LGSN: variants seen among roughly 807,000 people sequenced by gnomAD.
LGSN encodes the protein lengsin.
Under a neutral mutation model 19.5 loss-of-function variants are expected in LGSN, and 21 were observed. The observed-to-expected ratio is 1.07, with a 90% confidence interval of 0.76 to 1.55. The LOEUF (loss-of-function observed/expected upper bound fraction) is 1.55, where lower values mean the gene tolerates loss of function less well. Among genes scored for constraint, LGSN ranks in the 40% most tolerant of loss-of-function variants. The pLI is 0.00. For missense variants in LGSN, 673 were observed against 608.5 expected (o/e 1.11, Z -1.12); for synonymous variants, 257 against 215.6 (o/e 1.19, Z -1.68).
At chr6:63,536,616 A>G in the LGSN span, among the ~76,000 whole-genome samples, 1 of 152,104 alleles carries the variant, frequency 6.6e-6, no homozygotes, top group African/African-American at 2.4e-5. Flanking sequence ...ACTTTATAAT[A>G]TTTTTCTACT....
chr6:63,370,604 A>C, the LGSN span, among the ~76,000 whole-genome samples: 1 of 152,232 alleles, frequency 6.6e-6, no homozygotes, highest in Non-Finnish European at 1.5e-5. Flanking sequence ...CTGCCTACGC[A>C]TCTATCCAGG....
At chr6:63,414,256 C>T in the LGSN span, among the ~76,000 whole-genome samples, 7 of 152,054 alleles carry the variant, frequency 4.6e-5, no homozygotes, top group Non-Finnish European at 1.0e-4. Context: ...AAATATTAGT[C>T]TTTATTCTTT....
At position 63,276,484 on chromosome 6, in the gene LGSN, G is replaced by C. The variant is rs1404602645; in HGVS notation, c.*3537C>G. 6.6e-6 allele frequency: 1 copy of C among 152,036 alleles called. No individual in the cohort carries two copies. The highest frequency in any genetic ancestry group is 1.5e-5 in the Non-Finnish European group (1 of 68,004). The allele number at this position is 152,036 out of a possible 1,614,324, so 9.4% of individuals were successfully genotyped here. ...CATTTAATTACCAACTTTAAATTCA[G>C]TAATCACATTTTTCCCCTAAGCTTT... On this transcript the variant is annotated 3_prime_UTR_variant, in exon 4 of 4. Coordinates refer to ENST00000370657, the MANE Select transcript of LGSN (RefSeq NM_016571.3).
At chr6:63,573,129 G>A in the LGSN span, 35 of 160,862 alleles carry the variant, frequency 2.2e-4, 2 homozygotes, top group South Asian at 7.1e-3. Context: ...GACCCGTCCG[G>A]GCATGGCAGG....
At chr6:63,473,441 T>A in the LGSN span, among the ~76,000 whole-genome samples, 1 of 121,706 alleles carries the variant, frequency 8.2e-6, no homozygotes, top group African/African-American at 3.3e-5. Context: ...GCCACTGCAC[T>A]CCAGCCTGGG....
the LGSN span, among the ~76,000 whole-genome samples, chr6:63,508,367 T>G: frequency 9.9e-5 from 15 of 152,132 alleles, no homozygotes; most frequent in African/African-American, 3.6e-4. Context: ...CATTTAAAAT[T>G]TTGCATTATG....
At chr6:63,494,162 C>T in the LGSN span, among the ~76,000 whole-genome samples, 1 of 152,100 alleles carries the variant, frequency 6.6e-6, no homozygotes, top group Middle Eastern at 3.4e-3. Context: ...GTTGGCCAAG[C>T]TGGTCTCGAA....
At chr6:63,432,109 GA>G in the LGSN span, among the ~76,000 whole-genome samples, 17 of 78,868 alleles carry the variant, frequency 2.2e-4, no homozygotes, top group African/African-American at 8.1e-4. Context: ...AAGAAAGAAA[GA>G]AAGAAAGAAA....
chr6:63,480,950 T>C, the LGSN span, among the ~76,000 whole-genome samples: 24 of 34,254 alleles, frequency 7.0e-4, no homozygotes, highest in Admixed American at 4.1e-3. Flanking sequence ...GATATATATA[T>C]ATATATATAT....
the LGSN span, among the ~76,000 whole-genome samples, chr6:63,470,167 G>GGCAC: frequency 6.6e-6 from 1 of 151,992 alleles, no homozygotes; most frequent in African/African-American, 2.4e-5. Context: ...CAGGCAGGCA[G>GGCAC]GCACGCACTC....
Position 63,278,958 on chromosome 6 carries a change from T to G in LGSN, c.*1063A>C, listed in dbSNP as rs1284568477. 6.6e-6 allele frequency: 1 copy of G among 152,220 alleles called. No homozygotes were observed. The highest frequency in any genetic ancestry group is 1.5e-5 in the Non-Finnish European group (1 of 68,040). 9.4% of individuals were successfully genotyped at this position (152,220 alleles called of 1,614,324 possible). On this transcript the variant is annotated 3_prime_UTR_variant, in exon 4 of 4. Transcript: ENST00000370657. ...TGTTTGATCCTAAGCAGTAGAATAA[T>G]GTTTCATTTGCTAGTAAGTGGATTT...
chr6:63,478,696 A>C, the LGSN span, among the ~76,000 whole-genome samples: 1 of 152,208 alleles, frequency 6.6e-6, no homozygotes, highest in Non-Finnish European at 1.5e-5. Context: ...CTAAAGATTC[A>C]AGAATTTAAA....
the LGSN span, among the ~76,000 whole-genome samples, chr6:63,518,477 G>A: frequency 1.3e-5 from 2 of 152,164 alleles, no homozygotes; most frequent in African/African-American, 2.4e-5. Flanking sequence ...CAGAGGTAAA[G>A]GATAACAACC....
intron 1 of LGSN, among the ~76,000 whole-genome samples, chr6:63,319,602 C>A (rs1426212887): frequency 6.6e-6 from 1 of 151,408 alleles, no homozygotes; most frequent in East Asian, 1.9e-4. Flanking sequence ...CTCTCAATAA[C>A]AACCAAAATA....
chr6:63,457,270 C>G, the LGSN span, among the ~76,000 whole-genome samples: 4 of 152,022 alleles, frequency 2.6e-5, no homozygotes, highest in Non-Finnish European at 2.9e-5. Context: ...TTTGGGAGTC[C>G]GAGGCGGGTG....
the LGSN span, chr6:63,548,697 A>G: frequency 1.7e-6 from 1 of 585,240 alleles, no homozygotes; most frequent in South Asian, 2.1e-5. Context: ...AGAAAACTCA[A>G]CAGTGTACAT....
the LGSN span, among the ~76,000 whole-genome samples, chr6:63,542,710 A>G: frequency 6.6e-6 from 1 of 152,020 alleles, no homozygotes; most frequent in Non-Finnish European, 1.5e-5. Context: ...TCCTTCACCG[A>G]CTGCTTTTTT....
rs6907351 is a variant in LGSN, at chr6:63,313,500, A to C, written c.30+6414T>G. 2.9e-3 allele frequency among the ~76,000 whole-genome samples: 448 copies of C among 152,272 alleles called. 3 individuals carry two copies. The highest frequency in any genetic ancestry group is 0.01 in the African/African-American group (424 of 41,566). On this transcript the variant is annotated intron_variant, in intron 1 of 3. Transcript: ENST00000370657. ...GGGGAGTACATAGAGGTTCAAGAAAAGTTTACGTTGCTTTTAGGTAGAGAA... is the reference window on the plus strand; with the variant it reads ...GGGGAGTACATAGAGGTTCAAGAAACGTTTACGTTGCTTTTAGGTAGAGAA...
the LGSN span, among the ~76,000 whole-genome samples, chr6:63,458,777 C>T: frequency 2.6e-5 from 4 of 152,138 alleles, no homozygotes; most frequent in South Asian, 8.3e-4. Context: ...TTAATGATTG[C>T]TAGGTTGTGA....
Sources: allele counts gnomAD v4.1 joint callset (sites outside exome capture counted in the v4.1 genomes callset), GRCh38; gene constraint gnomAD v4.1.1; transcripts MANE v1.5; gene names NCBI Gene and HGNC (gene_info 2026-07-23, HGNC 2026-07-21).